Variants in PHRF1 observed in about 807,000 individuals in gnomAD.
The protein encoded by PHRF1 is PHD and ring finger domains 1, also known as PHD and RING finger domain-containing protein 1.
A neutral mutation model predicts 128.9 loss-of-function variants in PHRF1; 53 were observed. The ratio of observed to expected loss-of-function variants is 0.41; its 90% confidence interval spans 0.33 to 0.52. The LOEUF (loss-of-function observed/expected upper bound fraction) is 0.52, where lower values mean the gene tolerates loss of function less well. Among genes scored for constraint, PHRF1 ranks in the 20% least tolerant of loss-of-function variants. PHRF1 has a pLI of 0.21. For missense variants in PHRF1, 2,503 were observed against 2,284.5 expected, an observed-to-expected ratio of 1.10 and a Z score of -1.95; for synonymous variants, 1,178 against 980.6, an observed-to-expected ratio of 1.20 and a Z score of -3.76.
intron 3 of PHRF1, among the ~76,000 whole-genome samples, chr11:586,947 A>G (rs930107957): frequency 6.6e-6 from 1 of 152,140 alleles, no homozygotes; most frequent in Non-Finnish European, 1.5e-5. Flanking sequence ...GCTAGGCCCC[A>G]GGGCTGCCCT....
intron 9 of PHRF1, 34 bp from the exon 10 acceptor site, chr11:601,540 C>G: frequency 1.2e-6 from 2 of 1,612,854 alleles, no homozygotes; most frequent in Non-Finnish European, 1.7e-6. Flanking sequence ...GGGCCCAGCA[C>G]AGAGAAGCAC....
chr11:605,859 T>G, intron 12 of PHRF1, 135 bp downstream of exon 12: 1 of 1,347,966 alleles, frequency 7.4e-7, no homozygotes, highest in South Asian at 1.5e-5. Flanking sequence ...GCTGTCATGC[T>G]CATCAGTCGG....
At chr11:611,506 T>C in intron 17 of PHRF1, 128 bp from the exon 18 acceptor site, 1 of 1,349,196 alleles carries the variant, frequency 7.4e-7, no homozygotes, top group Non-Finnish European at 1.0e-6. Context: ...TGCCGCCGTC[T>C]GTCTGCGTGC....
At chr11:603,207 C>T (rs753812434) in intron 10 of PHRF1, among the ~76,000 whole-genome samples, 7 of 152,096 alleles carry the variant, frequency 4.6e-5, no homozygotes, top group Non-Finnish European at 1.0e-4. Context: ...AGGCATAGCC[C>T]ACCGTGCCCG....
intron 10 of PHRF1, among the ~76,000 whole-genome samples, chr11:602,402 C>T (rs538225864): frequency 3.3e-5 from 5 of 152,194 alleles, no homozygotes; most frequent in East Asian, 3.9e-4. Flanking sequence ...GAATTACGGC[C>T]GAGCGCGGTG....
chr11:581,782 C>T (rs141399439), intron 2 of PHRF1, among the ~76,000 whole-genome samples, 176 bp downstream of exon 2: 70 of 152,386 alleles, frequency 4.6e-4, no homozygotes, highest in African/African-American at 1.6e-3. Flanking sequence ...GCAAACAACA[C>T]AAATGTTGAA....
rs200253242 is a variant in PHRF1 at position 608,521 on chromosome 11, G to T, written c.3065G>T (p.Arg1022Leu). The T allele has an allele frequency of 1.9e-6, 3 of 1,611,426 alleles. No individual in the cohort carries two copies. The highest frequency in any genetic ancestry group is 4.5e-5 in the East Asian group (2 of 44,880). Residue 1022 changes from arginine (R) to leucine (L), a missense_variant, in exon 14 of 18, where the codon CGC (arginine) becomes CTC (leucine). Physicochemically the swap from Arg to Leu is moderately radical, Grantham distance 102. Coordinates refer to ENST00000264555, the MANE Select transcript of PHRF1 (RefSeq NM_001286581.2). ...CACGGACGGACGCGCTCTGGGACGC[G>T]CTCTGAATCCAGGGACAGGAGCTCG... ...REHGRTRSGT[R>L]SESRDRSSRS...
intron 3 of PHRF1, among the ~76,000 whole-genome samples, chr11:583,710 G>A (rs1268843750): frequency 1.3e-5 from 2 of 151,350 alleles, no homozygotes; most frequent in African/African-American, 4.9e-5. Flanking sequence ...TCCAGCCTGG[G>A]TGTTGGAGCG....
chr11:587,709 G>A (rs1258441327), intron 4 of PHRF1, among the ~76,000 whole-genome samples: 1 of 152,268 alleles, frequency 6.6e-6, no homozygotes, highest in Non-Finnish European at 1.5e-5. Context: ...ATGGCCGTGG[G>A]TCTCCCAGGA....
At position 592,683 on chromosome 11, in the gene PHRF1, C is replaced by T. The variant is rs767251261; in HGVS notation, c.620+9C>T. 7.1e-5 allele frequency: 115 copies of T among 1,613,774 alleles called. No individual in the cohort carries two copies. Among genetic ancestry groups the T allele is most frequent in the South Asian group, 8.8e-5 (8 of 91,070 alleles). On this transcript the variant is annotated intron_variant, in intron 6 of 17. Coordinates refer to ENST00000264555, the MANE Select transcript of PHRF1 (RefSeq NM_001286581.2). ...GACGGCTGCGATGCGGGGTAAGGGACGGTTGGGACTGGCACACGTGCCCTG... is the reference window on the plus strand; with the variant it reads ...GACGGCTGCGATGCGGGGTAAGGGATGGTTGGGACTGGCACACGTGCCCTG...
At chr11:578,089 G>T (rs1368094849) in intron 1 of PHRF1, among the ~76,000 whole-genome samples, 1 of 152,166 alleles carries the variant, frequency 6.6e-6, no homozygotes, top group Non-Finnish European at 1.5e-5. Context: ...TATGGGGAAG[G>T]GAAGATTTGT....
At position 598,472 on chromosome 11, in the gene PHRF1, C is replaced by T. The variant is rs371696161; in HGVS notation, c.994C>T (p.Arg332Cys). 13 of 1,610,084 alleles carry T rather than the reference C, an allele frequency of 8.1e-6. No individual in the cohort carries two copies. The highest frequency in any genetic ancestry group is 6.7e-5 in the Admixed American group (4 of 59,872). ...CGTGTATCAGCGCCCCCTGACGCCGCGCACTCCCGCCCGACGGAAGAGGAA... is the reference window on the plus strand; with the variant it reads ...CGTGTATCAGCGCCCCCTGACGCCGTGCACTCCCGCCCGACGGAAGAGGAA... ...TAVYQRPLTP[R>C]TPARRKRKTR... The change falls in exon 9 of 18, where the codon CGC becomes TGC. Residue 332 changes from arginine to cysteine, a missense_variant. Physicochemically the swap from Arg to Cys is radical, Grantham distance 180 (BLOSUM62 -3). Transcript: ENST00000264555.
At chr11:589,309 C>G (rs1412948762) in intron 4 of PHRF1, among the ~76,000 whole-genome samples, 1 of 152,162 alleles carries the variant, frequency 6.6e-6, no homozygotes, top group East Asian at 1.9e-4. Flanking sequence ...AGGCCCCTTC[C>G]CTTTCGAGAC....
chr11:605,435 A>G (rs1855884805), intron 11 of PHRF1, 135 bp downstream of exon 11: 36 of 1,474,334 alleles, frequency 2.4e-5, no homozygotes, highest in Non-Finnish European at 3.3e-5. Context: ...TCCCACCGCC[A>G]TACGGTGCAG....
In PHRF1 at chr11:581,956, G is replaced by A; in HGVS notation, c.95-6G>A. On this transcript the variant is annotated splice_region_variant and splice_polypyrimidine_tract_variant and intron_variant, in intron 2 of 17. Transcript: ENST00000264555. ...CCTGCGGCCTGTGTCTCACCCTGGT[G>A]TCTAGAAGAAAGCAGCGTGGGCAGC... 1 of 1,589,632 alleles carries A rather than the reference G, an allele frequency of 6.3e-7. No homozygotes were observed. The highest frequency in any genetic ancestry group is 8.6e-7 in the Non-Finnish European group (1 of 1,168,682).
chr11:606,811 A>G (rs1478857852), intron 13 of PHRF1: 2 of 870,000 alleles, frequency 2.3e-6, no homozygotes, highest in Non-Finnish European at 3.4e-6. Flanking sequence ...TCATAAGAAC[A>G]TGTCCTGATG....
rs200787809 is a variant in PHRF1, at chr11:609,452, G to A, written c.3996G>A (p.Ser1332=). 35 of 1,605,948 alleles carry A rather than the reference G, an allele frequency of 2.2e-5. No individual in the cohort carries two copies. In the East Asian group the frequency reaches 4.7e-4, roughly 21 times the overall value. ...EVSLMHDEDP[S]QPPPLPEGTQ... Reference sequence around the variant, plus strand: ...CATTGATGCACGATGAAGACCCTTCGCAGCCCCCACCCCTGCCAGAGGGCA... The same window carrying A: ...CATTGATGCACGATGAAGACCCTTCACAGCCCCCACCCCTGCCAGAGGGCA... The change falls in exon 14 of 18, where the codon TCG becomes TCA. Residue 1332 remains serine, a synonymous_variant. Coordinates refer to ENST00000264555, the MANE Select transcript of PHRF1 (RefSeq NM_001286581.2).
intron 3 of PHRF1, among the ~76,000 whole-genome samples, chr11:583,388 G>C (rs901460467): frequency 1.3e-5 from 2 of 151,216 alleles, no homozygotes; most frequent in Non-Finnish European, 2.9e-5. Flanking sequence ...GTGGTGGTGC[G>C]TGCCTGTAAT....
intron 8 of PHRF1, 125 bp from the exon 9 acceptor site, chr11:598,248 G>A (rs1398429442): frequency 2.6e-5 from 34 of 1,315,890 alleles, no homozygotes; most frequent in Middle Eastern, 2.7e-4. Context: ...CTGCAGTGGC[G>A]GGTGGGGAGG....
Sources: allele counts gnomAD v4.1 joint callset (sites outside exome capture counted in the v4.1 genomes callset), GRCh38; gene constraint gnomAD v4.1.1; transcripts MANE v1.5; gene names NCBI Gene and HGNC (gene_info 2026-07-23, HGNC 2026-07-21).